CPEB3: variants seen among roughly 807,000 people sequenced by gnomAD.
CPEB3 encodes the protein cytoplasmic polyadenylation element binding protein 3.
Under a neutral mutation model 67.2 loss-of-function variants are expected in CPEB3, and 20 were observed. The ratio of observed to expected loss-of-function variants is 0.30; its 90% CI spans 0.21 to 0.43. CPEB3 has a LOEUF of 0.43. Among genes scored for constraint, CPEB3 ranks in the 20% least tolerant of loss-of-function variants. The pLI, the probability that CPEB3 is intolerant of heterozygous loss-of-function variation, is 1.00. For synonymous variants in CPEB3, 376 were observed against 393.1 expected (o/e 0.96, Z 0.51); for missense variants, 746 against 968.6 (o/e 0.77, Z 3.05).
intron 3 of CPEB3, among the ~76,000 whole-genome samples, chr10:92,181,779 C>T (rs1469215239): frequency 1.3e-5 from 2 of 152,168 alleles, no homozygotes; most frequent in Non-Finnish European, 2.9e-5. Flanking sequence ...GTGACAGAGA[C>T]CATGTGGCCC....
At chr10:92,245,089 T>TG (rs1852003619) in intron 1 of CPEB3, among the ~76,000 whole-genome samples, 1 of 152,122 alleles carries the variant, frequency 6.6e-6, no homozygotes, top group Non-Finnish European at 1.5e-5. Flanking sequence ...GTAATCTTTG[T>TG]TTCTAGTTAT....
chr10:92,094,611 A>G (rs1001886835), intron 7 of CPEB3, among the ~76,000 whole-genome samples: 4 of 152,136 alleles, frequency 2.6e-5, no homozygotes, highest in Admixed American at 2.0e-4. Context: ...CAAAAAAAAA[A>G]AAAATGCAGT....
chr10:92,245,453 C>T (rs911873169), intron 1 of CPEB3, among the ~76,000 whole-genome samples: 2 of 151,902 alleles, frequency 1.3e-5, no homozygotes, highest in African/African-American at 4.8e-5. Context: ...TATTTTTTGA[C>T]CCCCTAAGAT....
intron 7 of CPEB3, among the ~76,000 whole-genome samples, chr10:92,093,961 T>C (rs1843734584): frequency 6.6e-6 from 1 of 152,110 alleles, no homozygotes; most frequent in African/African-American, 2.4e-5. Context: ...TTCAAGTGAT[T>C]CTCGTGCCTC....
chr10:92,158,230 T>A (rs528224363), intron 4 of CPEB3, among the ~76,000 whole-genome samples: 6 of 152,216 alleles, frequency 3.9e-5, no homozygotes, highest in African/African-American at 1.2e-4. Flanking sequence ...TATATTTTTT[T>A]AAAAAACCTT....
At chr10:92,115,210 G>C (rs1336106369) in intron 6 of CPEB3, among the ~76,000 whole-genome samples, 1 of 152,224 alleles carries the variant, frequency 6.6e-6, no homozygotes, top group Non-Finnish European at 1.5e-5. Flanking sequence ...CGGGAGTGCA[G>C]TGAGGCGATC....
At chr10:92,282,125 C>A (rs560513789) in intron 1 of CPEB3, among the ~76,000 whole-genome samples, 1 of 152,180 alleles carries the variant, frequency 6.6e-6, no homozygotes, top group East Asian at 1.9e-4. Context: ...TGCCCTCGAC[C>A]ATTGCATGGC....
At chr10:92,196,106 G>C (rs1235929315) in intron 2 of CPEB3, among the ~76,000 whole-genome samples, 1 of 152,180 alleles carries the variant, frequency 6.6e-6, no homozygotes, top group African/African-American at 2.4e-5. Context: ...TTAAAACATA[G>C]ATTCCTGGGT....
At chr10:92,280,892 T>C (rs1842266912) in intron 1 of CPEB3, among the ~76,000 whole-genome samples, 1 of 150,978 alleles carries the variant, frequency 6.6e-6, no homozygotes, top group African/African-American at 2.4e-5. Flanking sequence ...CCTGAGTAGC[T>C]GGGATTACAG....
At chr10:92,280,661 A>C (rs1353111580) in intron 1 of CPEB3, among the ~76,000 whole-genome samples, 5 of 150,016 alleles carry the variant, frequency 3.3e-5, no homozygotes, top group Non-Finnish European at 7.4e-5. Context: ...AGTGAAAAAA[A>C]AAAAAAAAAA....
intron 6 of CPEB3, among the ~76,000 whole-genome samples, chr10:92,133,421 G>A (rs1173547842): frequency 6.6e-6 from 1 of 152,164 alleles, no homozygotes; most frequent in Non-Finnish European, 1.5e-5. Context: ...AAATGTAGAA[G>A]AAATGGGTAA....
At chr10:92,246,205 G>A (rs1199036421) in intron 1 of CPEB3, among the ~76,000 whole-genome samples, 9 of 144,650 alleles carry the variant, frequency 6.2e-5, no homozygotes, top group African/African-American at 2.6e-4. Context: ...ATGGTGGCAG[G>A]CGCCTGTAGT....
chr10:92,184,763 A>C (rs1028388349), intron 3 of CPEB3, among the ~76,000 whole-genome samples: 1 of 152,194 alleles, frequency 6.6e-6, no homozygotes, highest in African/African-American at 2.4e-5. Flanking sequence ...CCTCTTCCAA[A>C]AGTAATTTTT....
intron 9 of CPEB3, among the ~76,000 whole-genome samples, chr10:92,054,622 A>C (rs934180073): frequency 6.6e-6 from 1 of 152,052 alleles, no homozygotes; most frequent in Admixed American, 6.5e-5. Context: ...TTATATTTTT[A>C]GTAGAGATGG....
At chr10:92,280,836 T>C (rs1377112977) in intron 1 of CPEB3, among the ~76,000 whole-genome samples, 1 of 140,568 alleles carries the variant, frequency 7.1e-6, no homozygotes. Flanking sequence ...TTCAGCTCAC[T>C]GTAACCCCCG....
intron 2 of CPEB3, among the ~76,000 whole-genome samples, chr10:92,194,561 C>CA (rs1849139985): frequency 6.6e-6 from 1 of 152,062 alleles, no homozygotes; most frequent in Non-Finnish European, 1.5e-5. Context: ...CACGAAGAAA[C>CA]CTTAACCCAA....
chr10:92,082,672 G>A (rs955908730), intron 8 of CPEB3, among the ~76,000 whole-genome samples: 2 of 152,152 alleles, frequency 1.3e-5, no homozygotes, highest in Non-Finnish European at 2.9e-5. Context: ...TTGTCTGAAG[G>A]TAATTGTTTA....
chr10:92,270,543 G>A (rs927378573), intron 1 of CPEB3, among the ~76,000 whole-genome samples: 6 of 150,236 alleles, frequency 4.0e-5, no homozygotes, highest in African/African-American at 1.5e-4. Context: ...GCCATTAGAA[G>A]TGAGGTTTTA....
chr10:92,155,862 G>A (rs1847183629), intron 4 of CPEB3, among the ~76,000 whole-genome samples: 1 of 152,106 alleles, frequency 6.6e-6, no homozygotes, highest in African/African-American at 2.4e-5. Context: ...AAAAAAGGAT[G>A]AGTATTTTTT....
Sources: gnomAD v4.1 joint callset for allele counts (sites outside exome capture counted in the v4.1 genomes callset) on GRCh38, gnomAD v4.1.1 for gene constraint, MANE v1.5 for transcripts, NCBI Gene and HGNC (gene_info 2026-07-23, HGNC 2026-07-21) for gene names.